Variants in NRXN3 observed in about 807,000 individuals in gnomAD.
The protein encoded by NRXN3 is neurexin III.
In NRXN3, 32 loss-of-function variants were observed where a neutral mutation model predicts 137.6. That is an observed-to-expected ratio of 0.23 (90% confidence interval 0.18 to 0.31). The LOEUF (loss-of-function observed/expected upper bound fraction) is 0.31, where lower values mean the gene tolerates loss of function less well. Among genes scored for constraint, NRXN3 ranks in the 10% least tolerant of loss-of-function variants. NRXN3 has a pLI of 1.00. For synonymous variants in NRXN3, 798 were observed against 784.5 expected (o/e 1.02, Z -0.29); for missense variants, 1,574 against 2,062.5 (o/e 0.76, Z 4.59).
chr14:79,026,973 T>TCATAGC (rs1568033232), intron 15 of NRXN3, among the ~76,000 whole-genome samples: 3 of 1,956 alleles, frequency 1.5e-3, no homozygotes, highest in Admixed American at 8.5e-3. Context: ...TATATATATA[T>TCATAGC]ATATATATAT....
At chr14:79,827,505 A>C (rs2099308611) in intron 20 of NRXN3, among the ~76,000 whole-genome samples, 1 of 152,120 alleles carries the variant, frequency 6.6e-6, no homozygotes, top group South Asian at 2.1e-4. Context: ...ATAAAGAAAT[A>C]CCCGAGACTG....
chr14:79,620,695 G>A (rs192068771), intron 16 of NRXN3, among the ~76,000 whole-genome samples: 3 of 152,072 alleles, frequency 2.0e-5, no homozygotes, highest in East Asian at 3.9e-4. Flanking sequence ...GAAAATGAGG[G>A]GTTTTCTAAT....
chr14:79,400,699 G>A (rs1441179299), intron 15 of NRXN3, among the ~76,000 whole-genome samples: 1 of 152,110 alleles, frequency 6.6e-6, no homozygotes, highest in African/African-American at 2.4e-5. Flanking sequence ...TCTATATACT[G>A]TATATCAGTT....
intron 16 of NRXN3, among the ~76,000 whole-genome samples, chr14:79,590,158 T>C (rs1184233527): frequency 6.6e-6 from 1 of 152,076 alleles, no homozygotes; most frequent in African/African-American, 2.4e-5. Context: ...CTCCCACAAT[T>C]CCCACATGTC....
chr14:79,830,217 A>G (rs1207968485), intron 20 of NRXN3, among the ~76,000 whole-genome samples: 3 of 152,144 alleles, frequency 2.0e-5, no homozygotes, highest in Admixed American at 6.5e-5. Context: ...TGTAACTTTG[A>G]GAGTTTTTAA....
In NRXN3 at chr14:79,106,478, T is replaced by C. The variant is rs181867235; in HGVS notation, c.3262+118337T>C. 1.7e-3 allele frequency among the ~76,000 whole-genome samples: 253 copies of C among 150,764 alleles called. 1 individual carries two copies. Among genetic ancestry groups the C allele is most frequent in the South Asian group, 3.4e-3 (16 of 4,760 alleles). ...GAACAGAATTCTGCATTTCTAAGAA[T>C]AAAAAAGAAAAAAAAGTTAAGTGCA... On this transcript the variant is annotated intron_variant, in intron 15 of 20. Transcript: ENST00000335750.
chr14:79,557,006 A>G (rs1198886543), intron 16 of NRXN3, among the ~76,000 whole-genome samples: 1 of 151,892 alleles, frequency 6.6e-6, no homozygotes, highest in East Asian at 1.9e-4. Context: ...AAACCCATCA[A>G]CATCCACACA....
chr14:79,513,056 A>G (rs2153692211), intron 16 of NRXN3, among the ~76,000 whole-genome samples: 1 of 152,334 alleles, frequency 6.6e-6, no homozygotes, highest in Non-Finnish European at 1.5e-5. Flanking sequence ...GAAAAACTAA[A>G]ATAAATTAAA....
intron 15 of NRXN3, among the ~76,000 whole-genome samples, chr14:79,216,476 A>G (rs2068519946): frequency 6.6e-6 from 1 of 152,224 alleles, no homozygotes; most frequent in South Asian, 2.1e-4. Flanking sequence ...GTCACATTGC[A>G]AAAGAGCGTG....
rs78609854 is a variant in NRXN3 at position 79,284,010 on chromosome 14, A to C, written c.3263-183211A>C. On this transcript the variant is annotated intron_variant, in intron 15 of 20. Transcript: ENST00000335750. ...ATCCTGTTATTTAAAATATCCCTCCAGGTTCCTTTTCATCCTTGGCTTTAT... is the reference window on the plus strand; with the variant it reads ...ATCCTGTTATTTAAAATATCCCTCCCGGTTCCTTTTCATCCTTGGCTTTAT... 5.7e-3 allele frequency among the ~76,000 whole-genome samples: 873 copies of C among 152,148 alleles called. 8 individuals are homozygous for C. Among genetic ancestry groups the C allele is most frequent in the Non-Finnish European group, 9.8e-3 (665 of 68,006 alleles).
chr14:78,293,005 C>T (rs914680067), intron 3 of NRXN3, among the ~76,000 whole-genome samples: 1 of 152,152 alleles, frequency 6.6e-6, no homozygotes, highest in Non-Finnish European at 1.5e-5. Context: ...GCATGCCTAG[C>T]ATAGACTCTG....
At chr14:79,789,522 C>A (rs1375576835) in intron 19 of NRXN3, among the ~76,000 whole-genome samples, 2 of 152,134 alleles carry the variant, frequency 1.3e-5, no homozygotes, top group Non-Finnish European at 2.9e-5. Context: ...TCCCCAAGGG[C>A]TGCTAGTTGC....
At chr14:78,961,446 C>T (rs1167506122) in intron 11 of NRXN3, among the ~76,000 whole-genome samples, 5 of 152,076 alleles carry the variant, frequency 3.3e-5, no homozygotes, top group East Asian at 3.9e-4. Flanking sequence ...CAAGAGGTGG[C>T]CTCTACTTAA....
rs1008135835 is a variant in NRXN3 at position 79,579,367 on chromosome 14, T to A, written c.3445-84411T>A. Reference sequence around the variant, plus strand: ...TATATTTCATATATATATATATATATAATATATATATAATTTCAGCATTAA... The same window carrying A: ...TATATTTCATATATATATATATATAAAATATATATATAATTTCAGCATTAA... On this transcript the variant is annotated intron_variant, in intron 16 of 20. Coordinates refer to ENST00000335750, the MANE Select transcript of NRXN3 (RefSeq NM_001330195.2). Among the ~76,000 whole-genome samples the A allele has an allele frequency of 1.3e-3, 179 of 142,302 alleles. 3 individuals are homozygous for A. The highest frequency in any genetic ancestry group is 2.9e-3 in the Admixed American group (41 of 14,328). 93.4% of individuals were successfully genotyped at this position (142,302 alleles called of 152,430 possible).
At chr14:79,033,986 G>C (rs563532290) in intron 15 of NRXN3, among the ~76,000 whole-genome samples, 4 of 152,202 alleles carry the variant, frequency 2.6e-5, no homozygotes, top group Non-Finnish European at 2.9e-5. Context: ...AGAGGAGATG[G>C]GTTGCATAGT....
intron 6 of NRXN3, among the ~76,000 whole-genome samples, chr14:78,671,764 CTATT>C (rs1452925727): frequency 5.3e-5 from 8 of 152,134 alleles, no homozygotes; most frequent in Non-Finnish European, 8.8e-5. Flanking sequence ...GGCTCACCAT[CTATT>C]TATCATAATA....
At chr14:78,888,873 C>CACACACACACACACA (rs1156629602) in intron 10 of NRXN3, among the ~76,000 whole-genome samples, 14 of 121,924 alleles carry the variant, frequency 1.1e-4, no homozygotes, top group African/African-American at 6.1e-4. Flanking sequence ...ACACACACAC[C>CACACACACACACACA]CCAGATTTGG....
intron 4 of NRXN3, among the ~76,000 whole-genome samples, chr14:78,622,875 T>G (rs2097420068): frequency 6.6e-6 from 1 of 152,256 alleles, no homozygotes; most frequent in Non-Finnish European, 1.5e-5. Flanking sequence ...TTAAGCTCTT[T>G]TGAAGTAACT....
chr14:79,666,874 A>AAAGAATAGTGAGTATTT (rs2098560179), intron 17 of NRXN3, among the ~76,000 whole-genome samples: 4 of 152,040 alleles, frequency 2.6e-5, no homozygotes, highest in Admixed American at 2.6e-4. Flanking sequence ...GAAGCAGCTG[A>AAAGAATAGTGAGTATTT]AAGAATAGTG....
Sources: allele counts gnomAD v4.1 joint callset (sites outside exome capture counted in the v4.1 genomes callset), GRCh38; gene constraint gnomAD v4.1.1; transcripts MANE v1.5; gene names NCBI Gene and HGNC (gene_info 2026-07-23, HGNC 2026-07-21).